TSPEAR: variants seen among roughly 807,000 people sequenced by gnomAD.
TSPEAR encodes the protein thrombospondin-type laminin G domain and EAR repeat-containing protein.
Under a neutral mutation model 71.6 loss-of-function variants are expected in TSPEAR, and 69 were observed. That is an observed-to-expected ratio of 0.96 (90% CI 0.79 to 1.18). TSPEAR has a LOEUF of 1.18. TSPEAR is among the 50% of genes most tolerant of loss of function. TSPEAR has a pLI of 0.00. For synonymous variants in TSPEAR, 402 were observed against 387.2 expected, an observed-to-expected ratio of 1.04 and a Z score of -0.45; for missense variants, 971 against 894.9, an observed-to-expected ratio of 1.09 and a Z score of -1.09.
intron 9 of TSPEAR, chr21:44,517,148 A>AT (rs142647668): frequency 0.022 from 3,401 of 152,336 alleles, 39 homozygotes; most frequent in Middle Eastern, 0.047. Context: ...ACCCCCTCTT[A>AT]TGCCCTCCCT....
chr21:44,580,465 G>A, intron 1 of TSPEAR: 1 of 1,613,260 alleles, frequency 6.2e-7, no homozygotes, highest in Non-Finnish European at 8.5e-7. Flanking sequence ...TGCAGACCAG[G>A]GTCAGGCAGG....
chr21:44,585,914 A>G (rs977091784), intron 1 of TSPEAR, among the ~76,000 whole-genome samples: 16 of 152,210 alleles, frequency 1.1e-4, no homozygotes, highest in Non-Finnish European at 1.9e-4. Flanking sequence ...CATTGCTGAA[A>G]GGTTCTCTGC....
At chr21:44,602,981 A>C (rs1479423777) in intron 1 of TSPEAR, among the ~76,000 whole-genome samples, 1 of 152,116 alleles carries the variant, frequency 6.6e-6, no homozygotes, top group African/African-American at 2.4e-5. Context: ...GCCCTTCCCA[A>C]GCAATGACAA....
At chr21:44,589,257 T>C (rs1979583801) in intron 1 of TSPEAR, among the ~76,000 whole-genome samples, 1 of 152,230 alleles carries the variant, frequency 6.6e-6, no homozygotes. Flanking sequence ...GTAGCCTGTG[T>C]CAGTATTGGA....
Position 44,637,347 on chromosome 21 carries a change from T to TCA in TSPEAR, c.83-69344_83-69343dup, listed in dbSNP as rs1214316994. ...ATAAAAGCCCCAGCAGCTGACAGGC[T>TCA]CACACACACACTCACTCACACACTC... On this transcript the variant is annotated intron_variant, in intron 1 of 11. Transcript: ENST00000323084. 312 of 1,550,198 alleles carry TCA rather than the reference T, an allele frequency of 2.0e-4. 1 individual carries two copies. Among genetic ancestry groups the TCA allele is most frequent in the Non-Finnish European group, 4.6e-5 (53 of 1,145,842 alleles).
intron 1 of TSPEAR, among the ~76,000 whole-genome samples, chr21:44,622,501 G>A (rs587663086): frequency 1.3e-5 from 2 of 152,280 alleles, no homozygotes; most frequent in East Asian, 1.9e-4. Flanking sequence ...TATCCACAGG[G>A]CCATGCTTTC....
intron 2 of TSPEAR, among the ~76,000 whole-genome samples, chr21:44,548,396 A>G (rs1219890898): frequency 6.6e-6 from 1 of 152,204 alleles, no homozygotes; most frequent in Non-Finnish European, 1.5e-5. Context: ...CAAACCTTCA[A>G]GTATTTTCCA....
At chr21:44,614,662 G>A (rs970203797) in intron 1 of TSPEAR, among the ~76,000 whole-genome samples, 1 of 152,214 alleles carries the variant, frequency 6.6e-6, no homozygotes, top group South Asian at 2.1e-4. Context: ...ACAGATGAAT[G>A]CATGACAGAC....
At chr21:44,589,721 G>C (rs782674116) in intron 1 of TSPEAR, among the ~76,000 whole-genome samples, 4 of 152,220 alleles carry the variant, frequency 2.6e-5, no homozygotes, top group Admixed American at 6.5e-5. Context: ...CCTCGGACGA[G>C]GGCAGGTGGG....
In TSPEAR at chr21:44,623,670, A is replaced by C. The variant is rs1186115401; in HGVS notation, c.83-55665T>G. ...CATTTTCCTGTCCTCATTTTTGAGG[A>C]TCTTCTTCCCAGGTGTAGAATTCTA... On this transcript the variant is annotated intron_variant, in intron 1 of 11. Transcript: ENST00000323084. The surrounding 1 kb of genome is among the most constrained non-coding windows in gnomAD (Gnocchi z 4.5). Among the ~76,000 whole-genome samples the C allele has an allele frequency of 1.3e-5, 2 of 152,178 alleles. No individual in the cohort carries two copies. The highest frequency in any genetic ancestry group is 4.8e-5 in the African/African-American group (2 of 41,430).
At chr21:44,517,747 C>A (rs782585378) in intron 9 of TSPEAR, 6 of 471,078 alleles carry the variant, frequency 1.3e-5, no homozygotes, top group South Asian at 6.2e-5. Context: ...ACATCACTCG[C>A]CTTCAGAACA....
chr21:44,643,336 A>G (rs1262644912), intron 1 of TSPEAR, among the ~76,000 whole-genome samples: 1 of 152,220 alleles, frequency 6.6e-6, no homozygotes, highest in African/African-American at 2.4e-5. Context: ...CCTCATGTGC[A>G]GCATGAGGAC....
At chr21:44,573,394 C>T (rs1425604536) in intron 1 of TSPEAR, among the ~76,000 whole-genome samples, 1 of 152,072 alleles carries the variant, frequency 6.6e-6, no homozygotes, top group Non-Finnish European at 1.5e-5. Flanking sequence ...GCACCCACTC[C>T]CCATAGCCCG....
chr21:44,688,154 A>G (rs2243667), intron 1 of TSPEAR, among the ~76,000 whole-genome samples: 36,294 of 152,178 alleles, frequency 0.24, 4,498 homozygotes, highest in Middle Eastern at 0.31. Context: ...GCCACACATG[A>G]GATCCTTGCT....
chr21:44,707,440 C>G (rs1555952682), intron 1 of TSPEAR, among the ~76,000 whole-genome samples: 1 of 152,194 alleles, frequency 6.6e-6, no homozygotes, highest in South Asian at 2.1e-4. Context: ...AGTCCAGACC[C>G]GTCGGGGCCC....
At position 44,697,821 on chromosome 21, in the gene TSPEAR, G is replaced by T. The variant is rs782587806; in HGVS notation, c.82+13612C>A. ...TGCCGCCCTGTGTGCAGACCCGCCC[G>T]CCGCGTGCCCGTCCCCTCCTGCTGT... On this transcript the variant is annotated intron_variant, in intron 1 of 11. Coordinates refer to ENST00000323084, the MANE Select transcript of TSPEAR (RefSeq NM_144991.3). The T allele has an allele frequency of 1.7e-5, 28 of 1,612,978 alleles. No individual in the cohort carries two copies. In the South Asian group the frequency reaches 2.9e-4, roughly 16 times the overall value.
chr21:44,601,909 A>C, intron 1 of TSPEAR: 1 of 954,796 alleles, frequency 1.0e-6, no homozygotes, highest in South Asian at 1.8e-5. Flanking sequence ...TGTTTCTCCA[A>C]GTCTTGACTT....
chr21:44,612,162 C>T lies in TSPEAR; in HGVS notation c.83-44157G>A. The T allele has an allele frequency of 6.2e-7, 1 of 1,614,126 alleles. No homozygotes were observed. Among genetic ancestry groups the T allele is most frequent in the Non-Finnish European group, 8.5e-7 (1 of 1,180,004 alleles). ...GCTGCATCCACCATGTCTGTCTGCT[C>T]CAGTGACGTGGGCCATGTCAGCCGA... On this transcript the variant is annotated intron_variant, in intron 1 of 11. Coordinates refer to ENST00000323084, the MANE Select transcript of TSPEAR (RefSeq NM_144991.3). This position sits in a 1 kb window ranked among gnomAD's most constrained non-coding sequence, Gnocchi z 4.1.
At chr21:44,507,322 A>C (rs2052226523) in intron 10 of TSPEAR, among the ~76,000 whole-genome samples, 1 of 152,182 alleles carries the variant, frequency 6.6e-6, no homozygotes, top group Admixed American at 6.5e-5. Flanking sequence ...AAGCAAACAC[A>C]AGCGACCATT....
Sources: allele counts gnomAD v4.1 joint callset (sites outside exome capture counted in the v4.1 genomes callset), GRCh38; gene constraint gnomAD v4.1.1; non-coding constraint Gnocchi (gnomAD v3.1); transcripts MANE v1.5; gene names NCBI Gene and HGNC (gene_info 2026-07-23, HGNC 2026-07-21).